The following PCGF3 variants were observed in gnomAD, a reference collection of about 807,000 sequenced individuals.
PCGF3 encodes polycomb group ring finger 3.
Under a neutral mutation model 33.1 loss-of-function variants are expected in PCGF3, and 7 were observed. The ratio of observed to expected loss-of-function variants is 0.21; its 90% CI spans 0.12 to 0.40. PCGF3 has a LOEUF of 0.40. Ranked by LOEUF, PCGF3 falls within the 10% of genes least tolerant of loss-of-function variation. The pLI is 1.00. For missense variants in PCGF3, 211 were observed against 313.3 expected, an observed-to-expected ratio of 0.67 and a Z score of 2.46; for synonymous variants, 153 against 121.3, an observed-to-expected ratio of 1.26 and a Z score of -1.72.
intron 1 of PCGF3, among the ~76,000 whole-genome samples, chr4:710,633 T>C (rs1055672345): frequency 6.6e-6 from 1 of 152,242 alleles, no homozygotes; most frequent in African/African-American, 2.4e-5. Context: ...GTTTCTCCGA[T>C]GTCACCGTCA....
intron 1 of PCGF3, among the ~76,000 whole-genome samples, chr4:716,153 C>CTG (rs201089944): frequency 1.9e-5 from 2 of 107,946 alleles, no homozygotes; most frequent in East Asian, 2.9e-4. Flanking sequence ...CCTGTAGACA[C>CTG]TGAGTGTGAG....
At chr4:714,273 G>C (rs920059643) in intron 1 of PCGF3, among the ~76,000 whole-genome samples, 1 of 152,196 alleles carries the variant, frequency 6.6e-6, no homozygotes, top group Non-Finnish European at 1.5e-5. Context: ...GGTCGCAGCC[G>C]CCTGAACAGA....
chr4:743,328 C>T, intron 6 of PCGF3, 146 bp from the exon 7 acceptor site: 2 of 600,058 alleles, frequency 3.3e-6, no homozygotes, highest in Middle Eastern at 2.8e-4. Context: ...CCCAAAACAT[C>T]TCAGTCTTAA....
At chr4:765,802 G>A (rs140347230) in intron 10 of PCGF3, among the ~76,000 whole-genome samples, 2 of 152,252 alleles carry the variant, frequency 1.3e-5, no homozygotes, top group Non-Finnish European at 2.9e-5. Flanking sequence ...GTGCACAGTG[G>A]TCACTGGGTC....
At chr4:757,759 C>T (rs1441529199) in intron 8 of PCGF3, 1 of 152,152 alleles carries the variant, frequency 6.6e-6, no homozygotes, top group East Asian at 1.9e-4. Flanking sequence ...TCCCTGTTGT[C>T]TAGTGAATTA....
At chr4:732,595 T>G (rs1743646454) in intron 3 of PCGF3, 1 of 152,238 alleles carries the variant, frequency 6.6e-6, no homozygotes, top group South Asian at 2.1e-4. Context: ...CTCAGCTGCT[T>G]CGTGGGACTG....
intron 1 of PCGF3, among the ~76,000 whole-genome samples, chr4:719,530 C>T (rs1281463499): frequency 2.6e-5 from 4 of 152,184 alleles, no homozygotes; most frequent in African/African-American, 4.8e-5. Context: ...GTCCTCCGCG[C>T]GGGTTGGCGA....
chr4:743,548 T>G, exon 7 of PCGF3: 1 of 1,612,636 alleles, frequency 6.2e-7, no homozygotes, highest in Non-Finnish European at 8.5e-7. Context: ...GGGGGAGACC[T>G]GCTCTGCAAA....
exon 11 of PCGF3, chr4:767,668 T>TAA (rs1745441450): frequency 6.6e-6 from 1 of 152,256 alleles, no homozygotes; most frequent in African/African-American, 2.4e-5. Flanking sequence ...ATTGTCAGTG[T>TAA]AAGGCCTTTT....
chr4:752,695 C>T (rs1216270717), intron 8 of PCGF3, among the ~76,000 whole-genome samples: 2 of 152,188 alleles, frequency 1.3e-5, no homozygotes, highest in Non-Finnish European at 2.9e-5. Context: ...GGACTTCGAC[C>T]CCTGTGTGTG....
At chr4:726,324 G>A (rs914471548) in intron 1 of PCGF3, among the ~76,000 whole-genome samples, 2 of 152,224 alleles carry the variant, frequency 1.3e-5, no homozygotes, top group East Asian at 1.9e-4. Flanking sequence ...GGTGAATATC[G>A]TGCGGCCCCA....
At position 730,123 on chromosome 4, in the gene PCGF3, C is replaced by T. The variant is rs146438620; in HGVS notation, c.-189-507C>T. Among the ~76,000 whole-genome samples, 603 of 152,270 alleles carry T rather than the reference C, an allele frequency of 4.0e-3. 5 individuals carry two copies. Among genetic ancestry groups the T allele is most frequent in the African/African-American group, 0.013 (535 of 41,546 alleles). ...CCAACACCAGGCTCAGTGCCCACGCCGGGGCCCTTGGTGCACGTCTGGTAG... is the reference window on the plus strand; with the variant it reads ...CCAACACCAGGCTCAGTGCCCACGCTGGGGCCCTTGGTGCACGTCTGGTAG... On this transcript the variant is annotated intron_variant, in intron 1 of 10. Transcript: ENST00000362003.
rs967736488 is a variant in PCGF3, at chr4:720,646, G to A, written c.-189-9984G>A. Among the ~76,000 whole-genome samples, 43 of 151,344 alleles carry A rather than the reference G, an allele frequency of 2.8e-4. No individual in the cohort carries two copies. The highest frequency in any genetic ancestry group is 4.3e-4 in the Non-Finnish European group (29 of 67,798). On this transcript the variant is annotated intron_variant, in intron 1 of 10. Transcript: ENST00000362003. The surrounding 1 kb of genome is among the most constrained non-coding windows in gnomAD (Gnocchi z 5.6). ...GCGGTGACGTGCGTGTGGACCCGGG[G>A]TGGACGGGCGGTGACGTGCGTGTGG...
Position 724,202 on chromosome 4 carries a change from A to G in PCGF3, c.-189-6428A>G, listed in dbSNP as rs529375614. On this transcript the variant is annotated intron_variant, in intron 1 of 10. Coordinates refer to ENST00000362003, the Ensembl canonical transcript of PCGF3. ...GTCAGGCCCACGTGGCCTTGGGACG[A>G]GAGCGAAGAGGTGGGATCGGCTGCG... Among the ~76,000 whole-genome samples, 3 of 152,320 alleles carry G rather than the reference A, an allele frequency of 2.0e-5. No homozygotes were observed. In the East Asian group the frequency reaches 5.8e-4, roughly 29 times the overall value.
chr4:725,719 G>A (rs985931584), intron 1 of PCGF3, among the ~76,000 whole-genome samples: 5 of 151,622 alleles, frequency 3.3e-5, no homozygotes, highest in African/African-American at 1.2e-4. Flanking sequence ...TGTGGGCTCT[G>A]TGCTGTGGCT....
chr4:719,342 C>G (rs1444999405), intron 1 of PCGF3, among the ~76,000 whole-genome samples: 1 of 152,216 alleles, frequency 6.6e-6, no homozygotes, highest in Non-Finnish European at 1.5e-5. Context: ...CTGGTCGTCT[C>G]CAGCGGGAAG....
At chr4:762,161 G>C (rs1745096746) in intron 9 of PCGF3, 1 of 860,420 alleles carries the variant, frequency 1.2e-6, no homozygotes, top group Non-Finnish European at 1.4e-6. Context: ...GCCTGCAAAT[G>C]GGATCTTGTT....
rs543453425 is a variant in PCGF3 at position 727,879 on chromosome 4, C to T, written c.-189-2751C>T. Among the ~76,000 whole-genome samples the T allele has an allele frequency of 3.0e-4, 46 of 152,288 alleles. 1 individual carries two copies. In the Middle Eastern group the frequency reaches 0.017, roughly 56 times the overall value. On this transcript the variant is annotated intron_variant, in intron 1 of 10. Coordinates refer to ENST00000362003, the Ensembl canonical transcript of PCGF3. ...AGTTGGAAAAAGGCTCCTTTTAGTT[C>T]TCTGAGAAGAGTATGAGACTGAATT...
intron 8 of PCGF3, among the ~76,000 whole-genome samples, chr4:752,981 C>T (rs781329606): frequency 2.0e-5 from 3 of 152,246 alleles, no homozygotes; most frequent in South Asian, 2.1e-4. Context: ...TGTCCTCTGT[C>T]GAACCACAAA....
Sources: allele counts gnomAD v4.1 joint callset (sites outside exome capture counted in the v4.1 genomes callset), GRCh38; gene constraint gnomAD v4.1.1; non-coding constraint Gnocchi (gnomAD v3.1); transcripts MANE v1.5; gene names NCBI Gene and HGNC (gene_info 2026-07-23, HGNC 2026-07-21).